RPAP3: variants seen among roughly 807,000 people sequenced by gnomAD.
The protein encoded by RPAP3 is RNA polymerase II associated protein 3.
RPAP3 carries 58 observed loss-of-function variants against 88.8 expected under a neutral mutation model. The observed-to-expected ratio is 0.65, with a 90% confidence interval of 0.53 to 0.81. The LOEUF (loss-of-function observed/expected upper bound fraction) is 0.81. Among genes scored for constraint, RPAP3 ranks in the 40% least tolerant of loss-of-function variants. RPAP3 has a pLI of 0.00. For synonymous variants in RPAP3, 255 were observed against 259.9 expected (o/e 0.98, Z 0.18); for missense variants, 751 against 764.3 (o/e 0.98, Z 0.20).
chr12:47,701,385 TC>T, intron 3 of RPAP3, 78 bp downstream of exon 3: 1 of 1,037,036 alleles, frequency 9.6e-7, no homozygotes, highest in East Asian at 2.6e-5. Flanking sequence ...ACATTATTTT[TC>T]ACTTAACCCA....
At chr12:47,701,662 T>C (rs1457589256) in intron 2 of RPAP3, 58 bp from the exon 3 acceptor site, 1 of 1,292,490 alleles carries the variant, frequency 7.7e-7, no homozygotes, top group Admixed American at 2.9e-5. Flanking sequence ...ACTCTTTGTA[T>C]AACTAGCTAT....
rs767728120 is a variant in RPAP3 at position 47,697,599 on chromosome 12, T to C, written c.415A>G (p.Lys139Glu). 38 of 1,595,254 alleles carry C rather than the reference T, an allele frequency of 2.4e-5. No homozygotes were observed. The highest frequency in any genetic ancestry group is 3.0e-5 in the Non-Finnish European group (35 of 1,175,074). Reference protein sequence around the residue: ...DSQKALVLKEKGNKYFKQGKY... With the variant: ...DSQKALVLKEEGNKYFKQGKY... Reference sequence around the variant, plus strand: ...AACAAAACCTAACTAATTAGTACCTTTTCTTTTAAAACAAGAGCCTTTTGT... The same window carrying C: ...AACAAAACCTAACTAATTAGTACCTCTTCTTTTAAAACAAGAGCCTTTTGT... Residue 139 changes from lysine (K) to glutamate (E), a missense_variant and splice_region_variant, in exon 4 of 17, where the codon AAG becomes GAG. Lys to Glu is a moderately conservative substitution (Grantham distance 56). Transcript: ENST00000005386.
intron 1 of RPAP3, among the ~76,000 whole-genome samples, chr12:47,703,092 G>C (rs1939689969): frequency 6.6e-6 from 1 of 152,176 alleles, no homozygotes; most frequent in Non-Finnish European, 1.5e-5. Context: ...AAAGGTAATG[G>C]GGAGAAAAAT....
chr12:47,705,584 G>C (rs918051316), intron 1 of RPAP3, among the ~76,000 whole-genome samples: 1 of 152,204 alleles, frequency 6.6e-6, no homozygotes, highest in Non-Finnish European at 1.5e-5. Context: ...AGCGCTGGGG[G>C]TATCACTTTC....
chr12:47,684,170 T>C (rs960547285), intron 9 of RPAP3, among the ~76,000 whole-genome samples: 2 of 152,074 alleles, frequency 1.3e-5, no homozygotes, highest in Non-Finnish European at 2.9e-5. Flanking sequence ...CAGCCTACAT[T>C]CCACAATTTG....
chr12:47,690,470 G>C (rs553581165), intron 6 of RPAP3, 48 bp downstream of exon 6: 3 of 1,485,204 alleles, frequency 2.0e-6, no homozygotes, highest in South Asian at 2.8e-5. Context: ...TATAGCATCT[G>C]TGAGATAACA....
chr12:47,687,853 A>G (rs1205400722), intron 8 of RPAP3, 23 bp downstream of exon 8: 1 of 1,609,054 alleles, frequency 6.2e-7, no homozygotes, highest in Non-Finnish European at 8.5e-7. Flanking sequence ...TATACATTGT[A>G]CGTTGGAATA....
rs761270252 is a variant in RPAP3, at chr12:47,696,374, A to G, written c.447T>C (p.Tyr149=). The change falls in exon 5 of 17, where the codon TAT becomes TAC. Residue 149 remains tyrosine (Y), a synonymous_variant. Coordinates refer to ENST00000005386, the MANE Select transcript of RPAP3 (RefSeq NM_024604.3). The part of the protein sequence containing the change: ...KGNKYFKQGK[Y]DEAIDCYTKG... ...TTGTGTAGCAGTCAATTGCTTCATC[A>G]TATTTTCCTTGTTTGAAGTATTTAT... 10 of 1,590,832 alleles carry G rather than the reference A, an allele frequency of 6.3e-6. No homozygotes were observed. The highest frequency in any genetic ancestry group is 1.2e-5 in the South Asian group (1 of 86,900).
At chr12:47,692,176 C>T (rs1215782333) in intron 5 of RPAP3, among the ~76,000 whole-genome samples, 1 of 152,214 alleles carries the variant, frequency 6.6e-6, no homozygotes, top group Non-Finnish European at 1.5e-5. Context: ...TAAATGAACA[C>T]TATCTTCAAC....
intron 3 of RPAP3, chr12:47,701,115 A>T (rs1441739326): frequency 6.3e-6 from 1 of 159,420 alleles, no homozygotes; most frequent in Admixed American, 6.5e-5. Context: ...CCTAGTTTTG[A>T]TACTGTATAC....
intron 6 of RPAP3, 78 bp from the exon 7 acceptor site, chr12:47,689,273 C>T (rs918695560): frequency 1.6e-6 from 1 of 613,098 alleles, no homozygotes; most frequent in East Asian, 3.1e-5. Context: ...TCTTTTGTTG[C>T]CTGTGACAAT....
intron 13 of RPAP3, 70 bp from the exon 14 acceptor site, chr12:47,669,172 A>ATAAAAATT: frequency 8.9e-7 from 1 of 1,122,042 alleles, no homozygotes; most frequent in Non-Finnish European, 1.3e-6. Flanking sequence ...GGAGACATCA[A>ATAAAAATT]TAAAAATTTT....
chr12:47,667,829 G>C lies in RPAP3; in HGVS notation c.1736C>G (p.Pro579Arg). ...ATCCAGATTTTTCTGAAACAACTTA[G>C]GATACAAAGATGGTTCAATTTGCTT... ...YLKQIEPSLYPKLFQKNLDPD... is the reference protein window; with the variant it reads ...YLKQIEPSLYRKLFQKNLDPD... The change falls in exon 15 of 17, where the codon CCT (proline) becomes CGT (arginine). Residue 579 changes from proline to arginine, a missense_variant. By Grantham distance (103) the Pro-to-Arg change is moderately radical. Coordinates refer to ENST00000005386, the MANE Select transcript of RPAP3 (RefSeq NM_024604.3). The C allele has an allele frequency of 1.2e-6, 2 of 1,601,888 alleles. No individual in the cohort carries two copies. The highest frequency in any genetic ancestry group is 1.7e-6 in the Non-Finnish European group (2 of 1,172,484).
chr12:47,691,912 A>AT (rs1039923270), intron 5 of RPAP3, among the ~76,000 whole-genome samples: 1 of 151,778 alleles, frequency 6.6e-6, no homozygotes, highest in Non-Finnish European at 1.5e-5. Flanking sequence ...CGCCTGGCTA[A>AT]TTTTTTGTAT....
At chr12:47,701,684 T>G (rs1939657660) in intron 2 of RPAP3, 80 bp from the exon 3 acceptor site, 1 of 1,133,164 alleles carries the variant, frequency 8.8e-7, no homozygotes, top group Non-Finnish European at 1.2e-6. Flanking sequence ...TTTAAAATTC[T>G]CACTATATTT....
In RPAP3 at chr12:47,683,283, T is replaced by C. The variant is rs76664295; in HGVS notation, c.993-1466A>G. Among the ~76,000 whole-genome samples, 632 of 152,316 alleles carry C rather than the reference T, an allele frequency of 4.1e-3. 6 individuals are homozygous for C. Among genetic ancestry groups the C allele is most frequent in the African/African-American group, 0.014 (594 of 41,566 alleles). On this transcript the variant is annotated intron_variant, in intron 9 of 16. Transcript: ENST00000005386. The stretch of plus-strand genomic sequence containing the variant: ...TATTTTCACAAATATTGGTCTCCTT[T>C]TCTGTCACTCCCTGCAAATTTCGGG...
intron 10 of RPAP3, among the ~76,000 whole-genome samples, chr12:47,680,836 G>GT (rs906056679): frequency 2.1e-5 from 3 of 142,350 alleles, no homozygotes; most frequent in Non-Finnish European, 3.1e-5. Flanking sequence ...AGCCCGAAGA[G>GT]TTTTTTAAAA....
Position 47,663,542 on chromosome 12 carries a change from C to T in RPAP3, c.1961G>A (p.Ser654Asn), listed in dbSNP as rs2136600433. The T allele has an allele frequency of 6.3e-7, 1 of 1,592,130 alleles. No homozygotes were observed. Among genetic ancestry groups the T allele is most frequent in the Non-Finnish European group, 8.5e-7 (1 of 1,170,596 alleles). The change falls in exon 17 of 17, where the codon AGT becomes AAT. Residue 654 changes from serine to asparagine, a missense_variant. Coordinates refer to ENST00000005386, the MANE Select transcript of RPAP3 (RefSeq NM_024604.3). ...TCTTTTCTTGAGTTCTTCGACAGAACTATCCTTCAATCCTGACTTGTCTAT... is the reference window on the plus strand; with the variant it reads ...TCTTTTCTTGAGTTCTTCGACAGAATTATCCTTCAATCCTGACTTGTCTAT... Reference protein sequence around the residue: ...NHIDKSGLKDSSVEELKKRYG... With the variant: ...NHIDKSGLKDNSVEELKKRYG...
rs1938763374 is a variant in RPAP3 at position 47,661,733 on chromosome 12, A to G, written c.*1772T>C. The G allele has an allele frequency of 1.3e-5, 2 of 152,242 alleles. No homozygotes were observed. The highest frequency in any genetic ancestry group is 1.3e-4 in the Admixed American group (2 of 15,284). 9.4% of individuals were successfully genotyped at this position (152,242 alleles called of 1,614,324 possible). A position where few individuals can be genotyped will look rare whatever the true frequency, so the allele number is the denominator to read the frequency against. ...CTGGAAGTAGTTCAAATAGCTCTAC[A>G]TTAAGAGAAGACAGCACGTTCTGAA... On this transcript the variant is annotated 3_prime_UTR_variant, in exon 17 of 17. Transcript: ENST00000005386.
Sources: gnomAD v4.1 joint callset for allele counts (sites outside exome capture counted in the v4.1 genomes callset) on GRCh38, gnomAD v4.1.1 for gene constraint, MANE v1.5 for transcripts, NCBI Gene and HGNC (gene_info 2026-07-23, HGNC 2026-07-21) for gene names.